ATP2B1: variants seen among roughly 807,000 people sequenced by gnomAD.
ATP2B1 encodes the protein ATPase plasma membrane Ca2+ transporting 1.
In ATP2B1, 14 loss-of-function variants were observed where a neutral mutation model predicts 124.2. That is an observed-to-expected ratio of 0.11 (90% CI 0.07 to 0.18). The LOEUF (loss-of-function observed/expected upper bound fraction) is 0.18. Ranked by LOEUF, ATP2B1 falls within the 10% of genes least tolerant of loss-of-function variation. The pLI is 1.00. For missense variants in ATP2B1, 763 were observed against 1,466.1 expected (o/e 0.52, Z 7.83); for synonymous variants, 449 against 492.4 (o/e 0.91, Z 1.17).
intron 2 of ATP2B1, 40 bp from the exon 3 acceptor site, chr12:89,642,395 C>G: frequency 1.3e-6 from 2 of 1,533,336 alleles, no homozygotes; most frequent in Non-Finnish European, 1.8e-6. Context: ...AGTTTTACTT[C>G]TTACAAATGA....
At chr12:89,686,008 T>G (rs775014637) in intron 1 of ATP2B1, among the ~76,000 whole-genome samples, 2 of 152,154 alleles carry the variant, frequency 1.3e-5, no homozygotes, top group Non-Finnish European at 2.9e-5. Flanking sequence ...ATTTCTGTTG[T>G]TTAAGCCACC....
At position 89,677,967 on chromosome 12, in the gene ATP2B1, TATATACACACAC is replaced by T. The variant is rs796128196; in HGVS notation, c.-221-21872_-221-21861del. On this transcript the variant is annotated intron_variant, in intron 1 of 20. Transcript: ENST00000428670. ...GGCATGCAGGAATTATATATATATATATATACACACACACACACACACACACACACACACACA... is the reference window on the plus strand; with the variant it reads ...GGCATGCAGGAATTATATATATATATACACACACACACACACACACACACA... 6.0e-3 allele frequency among the ~76,000 whole-genome samples: 325 copies of T among 54,536 alleles called. 22 individuals are homozygous for T. The highest frequency in any genetic ancestry group is 0.039 in the South Asian group (68 of 1,754). The allele number at this position is 54,536 out of a possible 152,430, so 35.8% of individuals were successfully genotyped here. A position where few individuals can be genotyped will look rare whatever the true frequency, so the allele number is the denominator to read the frequency against.
At chr12:89,628,707 T>C (rs1881343708) in intron 6 of ATP2B1, among the ~76,000 whole-genome samples, 1 of 152,206 alleles carries the variant, frequency 6.6e-6, no homozygotes, top group South Asian at 2.1e-4. Flanking sequence ...TCATCCTATA[T>C]TCTTCTAGCT....
At chr12:89,643,166 A>G (rs561491573) in intron 2 of ATP2B1, among the ~76,000 whole-genome samples, 36 of 150,452 alleles carry the variant, frequency 2.4e-4, no homozygotes, top group Non-Finnish European at 4.6e-4. Flanking sequence ...ATATGTATGT[A>G]TGTATATATG....
chr12:89,635,394 A>G (rs1255959287), intron 3 of ATP2B1, 143 bp from the exon 4 acceptor site: 1 of 1,052,676 alleles, frequency 9.5e-7, no homozygotes, highest in African/African-American at 1.6e-5. Context: ...AATTCAAAGT[A>G]TTCCATAAGA....
At chr12:89,689,023 C>A (rs1890260930) in intron 1 of ATP2B1, among the ~76,000 whole-genome samples, 1 of 152,020 alleles carries the variant, frequency 6.6e-6, no homozygotes, top group Non-Finnish European at 1.5e-5. Context: ...TAGTTCAGAA[C>A]CTTAGTTCAC....
At chr12:89,706,949 A>T (rs564060887) in intron 1 of ATP2B1, among the ~76,000 whole-genome samples, 1 of 152,202 alleles carries the variant, frequency 6.6e-6, no homozygotes, top group Non-Finnish European at 1.5e-5. Flanking sequence ...CAAGGTAAAA[A>T]CTAAAACGTC....
At position 89,603,352 on chromosome 12, in the gene ATP2B1, T is replaced by A. The variant is rs1226867636; in HGVS notation, c.2849-98A>T. The A allele has an allele frequency of 6.0e-6, 6 of 1,006,832 alleles. No individual in the cohort carries two copies. The highest frequency in any genetic ancestry group is 8.5e-6 in the Non-Finnish European group (6 of 706,094). The allele number at this position is 1,006,832 out of a possible 1,614,324, so 62.4% of individuals were successfully genotyped here. A position where few individuals can be genotyped will look rare whatever the true frequency, so the allele number is the denominator to read the frequency against. On this transcript the variant is annotated intron_variant, in intron 17 of 20. Transcript: ENST00000428670. The surrounding 1 kb of genome is among the most constrained non-coding windows in gnomAD (Gnocchi z 4.3). ...ACTTAGCTAGACCTTTTATTTGATC[T>A]GAAATGGCAGCATGGAAGGAGCTAG...
In ATP2B1 at chr12:89,655,793, C is replaced by A; in HGVS notation, c.94G>T (p.Ala32Ser). 6.2e-7 allele frequency: 1 copy of A among 1,614,096 alleles called. No homozygotes were observed. Among genetic ancestry groups the A allele is most frequent in the Non-Finnish European group, 8.5e-7 (1 of 1,179,976 alleles). Residue 32 changes from alanine to serine, a missense_variant, in exon 2 of 21, where the codon GCA (alanine) becomes TCA (serine). By Grantham distance (99) the Ala-to-Ser change is moderately conservative. This residue lies in a region of ATP2B1 where 93 missense variants were observed against 112.7 expected (regional missense o/e 0.83). Transcript: ENST00000428670. ...NHDGDFGITL[A>S]ELRALMELRS... ...AGCTCCATGAGAGCCCGCAGCTCTG[C>A]GAGCGTAATTCCAAAGTCTCCATCA...
chr12:89,648,235 A>G (rs1884768552), intron 2 of ATP2B1, among the ~76,000 whole-genome samples: 1 of 152,226 alleles, frequency 6.6e-6, no homozygotes, highest in Non-Finnish European at 1.5e-5. Context: ...AATGAGGGAA[A>G]GTCTGGAAAC....
chr12:89,671,997 G>T (rs1344558705), intron 1 of ATP2B1, among the ~76,000 whole-genome samples: 1 of 152,090 alleles, frequency 6.6e-6, no homozygotes, highest in Non-Finnish European at 1.5e-5. Context: ...CCCAAGAGAG[G>T]AGATACCTCA....
intron 9 of ATP2B1, 120 bp from the exon 10 acceptor site, chr12:89,621,911 T>C: frequency 9.2e-7 from 1 of 1,092,746 alleles, no homozygotes; most frequent in Non-Finnish European, 1.2e-6. Context: ...ATAAATACAA[T>C]GTATAAAGTA....
Position 89,590,910 on chromosome 12 carries a change from C to A in ATP2B1, c.*74G>T. 1 of 1,398,364 alleles carries A rather than the reference C, an allele frequency of 7.2e-7. No individual in the cohort carries two copies. 86.6% of individuals were successfully genotyped at this position (1,398,364 alleles called of 1,614,324 possible). On this transcript the variant is annotated 3_prime_UTR_variant, in exon 21 of 21. Coordinates refer to ENST00000428670, the MANE Select transcript of ATP2B1 (RefSeq NM_001366521.1). ...AAGACAAGAATACTAGCTTGTCCAT[C>A]ACAATATGTGAAAAGACCCAGTTTC...
At chr12:89,612,551 CAG>C (rs1342394976) in intron 12 of ATP2B1, among the ~76,000 whole-genome samples, 2 of 152,044 alleles carry the variant, frequency 1.3e-5, no homozygotes, top group African/African-American at 2.4e-5. Flanking sequence ...AAGAAAGAAA[CAG>C]AGATTTGTGC....
rs1180530000 is a variant in ATP2B1, at chr12:89,655,892, GTATAA to G, written c.-11_-7del. 2.6e-5 allele frequency: 40 copies of G among 1,563,312 alleles called. No homozygotes were observed. Among genetic ancestry groups the G allele is most frequent in the Middle Eastern group, 1.7e-4 (1 of 5,838 alleles). On this transcript the variant is annotated 5_prime_UTR_variant, in exon 2 of 21. Transcript: ENST00000428670. ...TTGTTTGCCATGTCGCCCATTACAAGTATAATATATCAGAAGGAAAATGTTTCCCA... is the reference window on the plus strand; with the variant it reads ...TTGTTTGCCATGTCGCCCATTACAAGTATATCAGAAGGAAAATGTTTCCCA...
intron 7 of ATP2B1, among the ~76,000 whole-genome samples, chr12:89,626,979 A>G (rs1464764881): frequency 6.6e-6 from 1 of 152,226 alleles, no homozygotes; most frequent in Non-Finnish European, 1.5e-5. Context: ...GTATAACCAT[A>G]TGCATATAGA....
At chr12:89,689,834 T>C (rs1890357052) in intron 1 of ATP2B1, among the ~76,000 whole-genome samples, 1 of 152,146 alleles carries the variant, frequency 6.6e-6, no homozygotes, top group Non-Finnish European at 1.5e-5. Context: ...GCAAATATTT[T>C]CTGAATATCA....
At chr12:89,609,889 A>T in intron 15 of ATP2B1, 48 bp downstream of exon 15, 1 of 1,544,028 alleles carries the variant, frequency 6.5e-7, no homozygotes, top group Non-Finnish European at 8.9e-7. Context: ...CAAACAAACA[A>T]ACCAGTCAGT....
chr12:89,627,744 T>C, intron 6 of ATP2B1, 28 bp from the exon 7 acceptor site: 1 of 1,609,780 alleles, frequency 6.2e-7, no homozygotes, highest in Non-Finnish European at 8.5e-7. Flanking sequence ...GAATTAAAGC[T>C]TTCCAAAAGA....
Sources: allele counts gnomAD v4.1 joint callset (sites outside exome capture counted in the v4.1 genomes callset), GRCh38; gene constraint gnomAD v4.1.1; regional missense constraint gnomAD v4.1.1; non-coding constraint Gnocchi (gnomAD v3.1); transcripts MANE v1.5; gene names NCBI Gene and HGNC (gene_info 2026-07-23, HGNC 2026-07-21).